The following SOX5 variants were observed in gnomAD, a reference collection of about 807,000 sequenced individuals.
SOX5 encodes SRY-box transcription factor 5.
SOX5 carries 9 observed loss-of-function variants against 92.0 expected under a neutral mutation model. The ratio of observed to expected loss-of-function variants is 0.10; its 90% CI spans 0.06 to 0.17. The LOEUF (loss-of-function observed/expected upper bound fraction) is 0.17, where lower values mean the gene tolerates loss of function less well. SOX5 is among the 10% of genes least tolerant of loss of function. The pLI, the probability that SOX5 is intolerant of heterozygous loss-of-function variation, is 1.00. For synonymous variants in SOX5, 344 were observed against 336.3 expected (o/e 1.02, Z -0.25); for missense variants, 642 against 944.5 (o/e 0.68, Z 4.20).
chr12:23,816,496 C>T (rs138414377), intron 3 of SOX5, among the ~76,000 whole-genome samples: 359 of 152,108 alleles, frequency 2.4e-3, no homozygotes, highest in Admixed American at 4.6e-3. Flanking sequence ...CTGCGCCTAG[C>T]CAGGACAAGA....
At position 23,633,626 on chromosome 12, in the gene SOX5, A is replaced by G. The variant is rs180819068; in HGVS notation, c.1017+7186T>C. Among the ~76,000 whole-genome samples the G allele has an allele frequency of 3.5e-3, 527 of 152,208 alleles. 1 individual carries two copies. The highest frequency in any genetic ancestry group is 0.012 in the African/African-American group (494 of 41,550). On this transcript the variant is annotated intron_variant, in intron 8 of 14. Transcript: ENST00000451604. The stretch of plus-strand genomic sequence containing the variant: ...GAGGATGAAGAAGAATGAAAAAAAG[A>G]AGGAAGGAGAGGAAGAGAGAAGGTA...
intron 1 of SOX5, among the ~76,000 whole-genome samples, chr12:24,475,993 TAAAAAAA>T (rs71450741): frequency 0.032 from 2,778 of 86,136 alleles, 94 homozygotes; most frequent in African/African-American, 0.13. Flanking sequence ...GAAATACATT[TAAAAAAA>T]AAAAAAAAAA....
At position 23,534,260 on chromosome 12, in the gene SOX5, C is replaced by T; in HGVS notation, c.2251G>A (p.Gly751Arg). The change falls in exon 15 of 15, where the codon GGG becomes AGG. Residue 751 changes from glycine (G) to arginine (R), a missense_variant. Physicochemically the swap from Gly to Arg is moderately radical, Grantham distance 125 (BLOSUM62 -2). Around this residue, in one of 8 missense-constraint regions of SOX5, gnomAD observed 130 missense variants for 140.6 expected, o/e 0.92. Transcript: ENST00000451604. ...EEEDDPDVDY[G>R]SDSENHIAGQ... is the part of the protein sequence containing the mutation. ...GCAATATGGTTTTCACTGTCACTCC[C>T]ATAATCTACATCTGGATCATCCTCT... 6.2e-7 allele frequency: 1 copy of T among 1,614,154 alleles called. No homozygotes were observed. The highest frequency in any genetic ancestry group is 8.5e-7 in the Non-Finnish European group (1 of 1,180,006).
At chr12:23,886,905 T>C (rs1303249460) in intron 2 of SOX5, among the ~76,000 whole-genome samples, 1 of 152,164 alleles carries the variant, frequency 6.6e-6, no homozygotes, top group Non-Finnish European at 1.5e-5. Flanking sequence ...AGGTAAGATT[T>C]TGAAACATAA....
intron 3 of SOX5, among the ~76,000 whole-genome samples, chr12:23,813,447 C>T (rs1016467001): frequency 6.6e-6 from 1 of 152,140 alleles, no homozygotes; most frequent in African/African-American, 2.4e-5. Flanking sequence ...GATGCATCGG[C>T]TCATTCACCT....
At chr12:24,225,479 GTTTT>G (rs5797069) in intron 3 of SOX5, among the ~76,000 whole-genome samples, 84 of 149,196 alleles carry the variant, frequency 5.6e-4, no homozygotes, top group African/African-American at 1.2e-3. Context: ...ATTATCAGAG[GTTTT>G]TTTTTTTTTT....
chr12:24,457,370 C>T (rs1473819640), intron 1 of SOX5, among the ~76,000 whole-genome samples: 1 of 152,110 alleles, frequency 6.6e-6, no homozygotes, highest in Non-Finnish European at 1.5e-5. Flanking sequence ...CACAGTAGGC[C>T]AGTCAACAGG....
chr12:24,418,664 T>A (rs1278116314), intron 1 of SOX5, among the ~76,000 whole-genome samples: 1 of 152,222 alleles, frequency 6.6e-6, no homozygotes, highest in Non-Finnish European at 1.5e-5. Context: ...GCCAGCCCAA[T>A]AATCTGCCCC....
At chr12:24,274,595 A>G (rs1361844976) in intron 3 of SOX5, among the ~76,000 whole-genome samples, 2 of 152,106 alleles carry the variant, frequency 1.3e-5, no homozygotes, top group African/African-American at 4.8e-5. Context: ...TCTGTCTCCA[A>G]CGTCTATGCT....
At chr12:24,192,329 CTTG>C in intron 4 of SOX5, among the ~76,000 whole-genome samples, 1 of 152,040 alleles carries the variant, frequency 6.6e-6, no homozygotes, top group East Asian at 1.9e-4. Flanking sequence ...TATCATTTTT[CTTG>C]TTGTATAAAT....
chr12:24,471,061 C>A lies in SOX5; in HGVS notation c.-251+91268G>T, dbSNP rs190957020. On this transcript the variant is annotated intron_variant, in intron 1 of 4. Coordinates refer to the SOX5 transcript ENST00000446891. ...ATCAGTAAGTCTCATTGCTGCTTTG[C>A]GGATTATCATGCTTTTAAATCCAAA... Among the ~76,000 whole-genome samples, 195 of 152,232 alleles carry A rather than the reference C, an allele frequency of 1.3e-3. 2 individuals carry two copies. Among genetic ancestry groups the A allele is most frequent in the African/African-American group, 3.6e-3 (149 of 41,572 alleles).
chr12:24,222,971 C>G (rs147605299), intron 3 of SOX5, among the ~76,000 whole-genome samples: 4,009 of 152,214 alleles, frequency 0.026, 79 homozygotes, highest in South Asian at 0.091. Flanking sequence ...TGTCCGGCAC[C>G]CCATACTGAC....
At chr12:23,973,366 G>T (rs762465551) in intron 4 of SOX5, among the ~76,000 whole-genome samples, 1 of 151,678 alleles carries the variant, frequency 6.6e-6, no homozygotes, top group South Asian at 2.1e-4. Context: ...TCACCATGCC[G>T]GTCAGGCTGG....
intron 4 of SOX5, among the ~76,000 whole-genome samples, chr12:23,973,824 T>C (rs565270881): frequency 6.6e-6 from 1 of 152,148 alleles, no homozygotes; most frequent in South Asian, 2.1e-4. Flanking sequence ...CTCATAGGAG[T>C]GGAAACCCTA....
At chr12:24,086,124 G>A (rs866677219) in intron 4 of SOX5, among the ~76,000 whole-genome samples, 1 of 152,064 alleles carries the variant, frequency 6.6e-6, no homozygotes. Context: ...TTCTACCTAT[G>A]ATTCCCTCTG....
chr12:23,851,823 A>T (rs1478898833), intron 2 of SOX5, among the ~76,000 whole-genome samples: 1 of 152,102 alleles, frequency 6.6e-6, no homozygotes. Context: ...AACATCAGGG[A>T]TCCTTAGTGC....
At chr12:24,327,465 G>A (rs1477647251) in intron 2 of SOX5, among the ~76,000 whole-genome samples, 1 of 129,416 alleles carries the variant, frequency 7.7e-6, no homozygotes, top group Admixed American at 9.3e-5. Flanking sequence ...GTCCAGCCTG[G>A]AGTGCAACAG....
chr12:24,377,368 A>C (rs570891), intron 1 of SOX5, among the ~76,000 whole-genome samples: 73,684 of 152,002 alleles, frequency 0.48, 18,041 homozygotes, highest in Non-Finnish European at 0.52. Flanking sequence ...AAAACAATTC[A>C]ATTAAAACAT....
intron 1 of SOX5, among the ~76,000 whole-genome samples, chr12:24,445,017 T>A (rs976512715): frequency 1.6e-4 from 24 of 152,302 alleles, no homozygotes; most frequent in African/African-American, 5.8e-4. Flanking sequence ...ATTTTTTCTG[T>A]ACCATCTGAA....
Sources: gnomAD v4.1 joint callset for allele counts (sites outside exome capture counted in the v4.1 genomes callset) on GRCh38, gnomAD v4.1.1 for gene constraint, gnomAD v4.1.1 regional missense constraint, MANE v1.5 for transcripts, NCBI Gene and HGNC (gene_info 2026-07-23, HGNC 2026-07-21) for gene names.